The following UGGT2 variants were observed in gnomAD, a reference collection of about 807,000 sequenced individuals.
The protein encoded by UGGT2 is UDP-glucose glycoprotein glucosyltransferase 2.
UGGT2 carries 180 observed loss-of-function variants against 192.1 expected under a neutral mutation model. The ratio of observed to expected loss-of-function variants is 0.94; its 90% CI spans 0.83 to 1.06. The LOEUF (loss-of-function observed/expected upper bound fraction) is 1.06. Among genes scored for constraint, UGGT2 ranks in the 50% least tolerant of loss-of-function variants. UGGT2 has a pLI of 0.00. For missense variants in UGGT2, 1,849 were observed against 1,795.7 expected (o/e 1.03, Z -0.54); for synonymous variants, 580 against 591.0 (o/e 0.98, Z 0.27).
intron 12 of UGGT2, among the ~76,000 whole-genome samples, chr13:95,955,846 T>G (rs1293791296): frequency 6.6e-6 from 1 of 152,230 alleles, no homozygotes; most frequent in Non-Finnish European, 1.5e-5. Flanking sequence ...TTTAAACAGA[T>G]GCAGTAAATG....
intron 38 of UGGT2, among the ~76,000 whole-genome samples, chr13:95,828,034 A>G (rs1886226528): frequency 6.6e-6 from 1 of 152,102 alleles, no homozygotes; most frequent in Non-Finnish European, 1.5e-5. Flanking sequence ...AAAACCCTTA[A>G]AAATCACTAG....
chr13:95,818,242 G>C lies in UGGT2; in HGVS notation c.4528+14685C>G, dbSNP rs138298517. ...GCTGGAAAATTGCTTGAGCCCAGGAGATCGAGGATGCAATGAGCCATGACT... is the reference window on the plus strand; with the variant it reads ...GCTGGAAAATTGCTTGAGCCCAGGACATCGAGGATGCAATGAGCCATGACT... On this transcript the variant is annotated intron_variant, in intron 38 of 38. Transcript: ENST00000376747. 5.5e-3 allele frequency among the ~76,000 whole-genome samples: 837 copies of C among 152,328 alleles called. 10 individuals carry two copies. Among genetic ancestry groups the C allele is most frequent in the African/African-American group, 0.019 (805 of 41,574 alleles).
chr13:95,892,861 G>C (rs1358805419), intron 24 of UGGT2, among the ~76,000 whole-genome samples: 2 of 152,096 alleles, frequency 1.3e-5, no homozygotes, highest in African/African-American at 4.8e-5. Context: ...TGACAGGAGG[G>C]TCATTATTGC....
chr13:95,940,148 T>C, intron 15 of UGGT2, 57 bp from the exon 16 acceptor site: 1 of 1,309,920 alleles, frequency 7.6e-7, no homozygotes, highest in East Asian at 2.7e-5. Flanking sequence ...AGTTTTCTTT[T>C]TTTTCCTTAG....
chr13:96,017,986 G>T (rs780511738), intron 4 of UGGT2, among the ~76,000 whole-genome samples: 2 of 152,152 alleles, frequency 1.3e-5, no homozygotes, highest in African/African-American at 4.8e-5. Flanking sequence ...TCTTAATGAA[G>T]TTGCAAACTA....
Position 95,927,121 on chromosome 13 carries a change from C to T in UGGT2, c.2107G>A (p.Ala703Thr). 1.2e-6 allele frequency: 2 copies of T among 1,608,032 alleles called. No individual in the cohort carries two copies. Among genetic ancestry groups the T allele is most frequent in the Non-Finnish European group, 8.5e-7 (1 of 1,178,486 alleles). ...YLNLISTSVT[A>T]DVEDFSTFFF... ...AAAGTAGAGAAATCTTCAACATCAG[C>T]AGTTACTGAAAAATTTCAAATTAAA... Residue 703 changes from alanine to threonine, a missense_variant, in exon 19 of 39, where the codon GCT becomes ACT. By Grantham distance (58) the Ala-to-Thr change is moderately conservative. Coordinates refer to ENST00000376747, the MANE Select transcript of UGGT2 (RefSeq NM_020121.4).
At chr13:95,879,597 A>T (rs184552510) in intron 27 of UGGT2, among the ~76,000 whole-genome samples, 11 of 152,068 alleles carry the variant, frequency 7.2e-5, no homozygotes, top group African/African-American at 2.7e-4. Context: ...CACCACTCTG[A>T]GCTAATTTTT....
At chr13:95,926,228 T>A (rs2049011056) in intron 19 of UGGT2, among the ~76,000 whole-genome samples, 1 of 152,132 alleles carries the variant, frequency 6.6e-6, no homozygotes, top group Admixed American at 6.5e-5. Context: ...ATGGAATCTG[T>A]TAGACAGTAA....
rs978906588 is a variant in UGGT2, at chr13:95,926,882, T to C, written c.2200+146A>G. 9 of 713,436 alleles carry C rather than the reference T, an allele frequency of 1.3e-5. No individual in the cohort carries two copies. The African/African-American group carries it at 1.6e-4, about 13-fold the overall frequency. 44.2% of individuals were successfully genotyped at this position (713,436 alleles called of 1,614,324 possible). On this transcript the variant is annotated intron_variant, in intron 19 of 38. Transcript: ENST00000376747. The stretch of plus-strand genomic sequence containing the variant: ...CATTGTTTTCTCAGCACACGTTAAA[T>C]ACTAAAAAATTTACAAACTCTAAAA...
In UGGT2 at chr13:96,015,057, T is replaced by C. The variant is rs567203063; in HGVS notation, c.486-1576A>G. On this transcript the variant is annotated intron_variant, in intron 4 of 38. Coordinates refer to ENST00000376747, the MANE Select transcript of UGGT2 (RefSeq NM_020121.4). ...ACTTTGGGAGGCCGAGGTGGGCGGA[T>C]CATGAGGTCAGGATATCGAGACCAT... 3.2e-3 allele frequency among the ~76,000 whole-genome samples: 493 copies of C among 151,996 alleles called. 2 individuals carry two copies. Among genetic ancestry groups the C allele is most frequent in the African/African-American group, 0.012 (477 of 41,458 alleles).
intron 1 of UGGT2, among the ~76,000 whole-genome samples, chr13:96,045,452 T>C (rs2053281671): frequency 6.6e-6 from 1 of 152,174 alleles, no homozygotes. Flanking sequence ...CTCTCACCAC[T>C]TCTATTCAAC....
In UGGT2 at chr13:95,897,580, C is replaced by T. The variant is rs1383430408; in HGVS notation, c.2635-2276G>A. ...AACAGGCTCAGAATGAAGATTTATA[C>T]TAAAATATCATACTTATTTCAAGCA... On this transcript the variant is annotated intron_variant, in intron 22 of 38. Transcript: ENST00000376747. Among the ~76,000 whole-genome samples, 3 of 152,104 alleles carry T rather than the reference C, an allele frequency of 2.0e-5. No homozygotes were observed. In the East Asian group the frequency reaches 5.8e-4, roughly 29 times the overall value.
chr13:95,831,363 A>AT (rs1886668947), intron 38 of UGGT2, among the ~76,000 whole-genome samples: 2 of 152,030 alleles, frequency 1.3e-5, no homozygotes, highest in Admixed American at 1.3e-4. Flanking sequence ...CAGACCTATG[A>AT]TTTTTCTTTA....
At chr13:95,977,305 G>A (rs2050968751) in intron 10 of UGGT2, among the ~76,000 whole-genome samples, 2 of 152,068 alleles carry the variant, frequency 1.3e-5, no homozygotes, top group South Asian at 4.2e-4. Flanking sequence ...CTACCCATCT[G>A]ACAAAGGTCT....
chr13:95,829,161 G>C (rs1215834957), intron 38 of UGGT2, among the ~76,000 whole-genome samples: 1 of 152,108 alleles, frequency 6.6e-6, no homozygotes, highest in South Asian at 2.1e-4. Context: ...GTATTGATGG[G>C]ACGTATCTCA....
chr13:95,819,045 G>A (rs1346715740), intron 38 of UGGT2, among the ~76,000 whole-genome samples: 2 of 152,044 alleles, frequency 1.3e-5, no homozygotes, highest in Non-Finnish European at 2.9e-5. Flanking sequence ...AAAATACTAT[G>A]AGAAATAAAA....
chr13:95,918,356 G>C (rs893572950), intron 20 of UGGT2, among the ~76,000 whole-genome samples: 1 of 152,144 alleles, frequency 6.6e-6, no homozygotes, highest in Non-Finnish European at 1.5e-5. Flanking sequence ...CAATGTACCA[G>C]AATCTCTGGA....
chr13:95,930,816 T>C (rs2049228513), intron 17 of UGGT2, among the ~76,000 whole-genome samples: 1 of 152,138 alleles, frequency 6.6e-6, no homozygotes, highest in South Asian at 2.1e-4. Context: ...TGTTCAGATG[T>C]GTTCGGGGTT....
intron 5 of UGGT2, 41 bp from the exon 6 acceptor site, chr13:95,999,348 A>G: frequency 6.4e-7 from 1 of 1,570,390 alleles, no homozygotes; most frequent in African/African-American, 1.4e-5. Flanking sequence ...GAAAAGAGTT[A>G]GTCAAACATT....
Sources: gnomAD v4.1 joint callset for allele counts (sites outside exome capture counted in the v4.1 genomes callset) on GRCh38, gnomAD v4.1.1 for gene constraint, MANE v1.5 for transcripts, NCBI Gene and HGNC (gene_info 2026-07-23, HGNC 2026-07-21) for gene names.